The following CDH20 variants were observed in gnomAD, a reference collection of about 807,000 sequenced individuals.
CDH20 encodes the protein cadherin-20.
A neutral mutation model predicts 74.2 loss-of-function variants in CDH20; 29 were observed. The observed-to-expected ratio is 0.39, with a 90% CI of 0.29 to 0.53. The LOEUF (loss-of-function observed/expected upper bound fraction) is 0.53, where lower values mean the gene tolerates loss of function less well. CDH20 is among the 20% of genes least tolerant of loss of function. CDH20 has a pLI of 0.69. For missense variants in CDH20, 988 were observed against 1,048.3 expected (o/e 0.94, Z 0.79); for synonymous variants, 469 against 405.4 (o/e 1.16, Z -1.88).
intron 1 of CDH20, among the ~76,000 whole-genome samples, chr18:61,408,603 C>T (rs527955389): frequency 6.6e-6 from 1 of 152,306 alleles, no homozygotes; most frequent in Non-Finnish European, 1.5e-5. Context: ...GTACAAGGTA[C>T]AACCATCAAG....
intron 1 of CDH20, among the ~76,000 whole-genome samples, chr18:61,398,791 A>G (rs1912067911): frequency 6.6e-6 from 1 of 152,168 alleles, no homozygotes; most frequent in African/African-American, 2.4e-5. Flanking sequence ...AGTCACAAAG[A>G]AGCATGGCCC....
In CDH20 at chr18:61,395,838, T is replaced by G. The variant is rs528508104; in HGVS notation, c.-153+62011T>G. Reference sequence around the variant, plus strand: ...TCATGAGGTCAGGAGATCGCGACCATCCTGGCCAACATGGTGAAACCCTGT... The same window carrying G: ...TCATGAGGTCAGGAGATCGCGACCAGCCTGGCCAACATGGTGAAACCCTGT... On this transcript the variant is annotated intron_variant, in intron 1 of 11. Transcript: ENST00000262717. 1.8e-4 allele frequency among the ~76,000 whole-genome samples: 27 copies of G among 152,226 alleles called. No individual in the cohort carries two copies. In the South Asian group the frequency reaches 2.3e-3, roughly 13 times the overall value.
chr18:61,355,939 T>C (rs1278172158), intron 1 of CDH20, among the ~76,000 whole-genome samples: 1 of 152,198 alleles, frequency 6.6e-6, no homozygotes, highest in Non-Finnish European at 1.5e-5. Context: ...GGGACCAACT[T>C]TGAGCTCCAC....
chr18:61,544,956 T>G, intron 9 of CDH20, 71 bp from the exon 10 acceptor site: 1 of 975,466 alleles, frequency 1.0e-6, no homozygotes, highest in South Asian at 1.3e-5. Flanking sequence ...GTTTCCGGGT[T>G]TGGGATTTAA....
chr18:61,414,786 A>C (rs1912631730), intron 1 of CDH20, among the ~76,000 whole-genome samples: 1 of 151,934 alleles, frequency 6.6e-6, no homozygotes, highest in African/African-American at 2.4e-5. Flanking sequence ...TATTAAAATA[A>C]TTATTAAGAA....
chr18:61,417,062 A>G lies in CDH20; in HGVS notation c.-152-73340A>G, dbSNP rs116400883. ...AAAGAGAAAATAACTATTTTCCTTT[A>G]GTGATTTGATAATTTAGTGATTTAG... On this transcript the variant is annotated intron_variant, in intron 1 of 11. Coordinates refer to ENST00000262717, the MANE Select transcript of CDH20 (RefSeq NM_031891.4). 2.9e-3 allele frequency among the ~76,000 whole-genome samples: 438 copies of G among 152,358 alleles called. 3 individuals are homozygous for G. Among genetic ancestry groups the G allele is most frequent in the African/African-American group, 0.01 (417 of 41,590 alleles).
chr18:61,462,168 C>T (rs1295526463), intron 1 of CDH20, among the ~76,000 whole-genome samples: 1 of 152,046 alleles, frequency 6.6e-6, no homozygotes, highest in African/African-American at 2.4e-5. Flanking sequence ...ATTGCTAAGA[C>T]AGTAAATTTC....
At chr18:61,548,868 T>C (rs773974184) in intron 10 of CDH20, among the ~76,000 whole-genome samples, 13 of 152,108 alleles carry the variant, frequency 8.5e-5, no homozygotes, top group South Asian at 2.1e-4. Flanking sequence ...TTTAAGAGGA[T>C]AGAAAAGTGT....
At chr18:61,487,131 A>G (rs1568160070) in intron 1 of CDH20, among the ~76,000 whole-genome samples, 1 of 152,226 alleles carries the variant, frequency 6.6e-6, no homozygotes, top group African/African-American at 2.4e-5. Flanking sequence ...ACAGAAGTCA[A>G]TTTCCACTAA....
At chr18:61,405,517 T>C (rs1481394175) in intron 1 of CDH20, among the ~76,000 whole-genome samples, 1 of 152,002 alleles carries the variant, frequency 6.6e-6, no homozygotes, top group African/African-American at 2.4e-5. Context: ...AGCCCAGGAG[T>C]TCGAGACTGC....
At chr18:61,351,309 A>C (rs1187583474) in intron 1 of CDH20, among the ~76,000 whole-genome samples, 1 of 152,112 alleles carries the variant, frequency 6.6e-6, no homozygotes, top group African/African-American at 2.4e-5. Context: ...ATCCTCTGGT[A>C]AGCTCCTGTA....
chr18:61,398,389 A>T (rs28731359), intron 1 of CDH20, among the ~76,000 whole-genome samples: 2,444 of 152,304 alleles, frequency 0.016, 60 homozygotes, highest in African/African-American at 0.056. Flanking sequence ...TTATATACAT[A>T]TATCTATATG....
intron 1 of CDH20, among the ~76,000 whole-genome samples, chr18:61,450,020 T>C (rs949508129): frequency 3.9e-5 from 6 of 152,070 alleles, no homozygotes; most frequent in Non-Finnish European, 8.8e-5. Context: ...AATATTTTAG[T>C]AAACGCAATC....
chr18:61,522,958 A>C (rs1912263006), intron 6 of CDH20, among the ~76,000 whole-genome samples: 1 of 152,234 alleles, frequency 6.6e-6, no homozygotes, highest in African/African-American at 2.4e-5. Context: ...AAACCATAAA[A>C]ACCCTAGAAG....
intron 1 of CDH20, among the ~76,000 whole-genome samples, chr18:61,384,078 CAG>C (rs1025405250): frequency 1.3e-5 from 2 of 152,080 alleles, no homozygotes; most frequent in African/African-American, 4.8e-5. Context: ...TTGAGAGAAA[CAG>C]GGGGTGGTGG....
chr18:61,538,620 G>GTTTTTTTTTTTTTTTT (rs746315637), intron 8 of CDH20, among the ~76,000 whole-genome samples: 1 of 41,564 alleles, frequency 2.4e-5, no homozygotes, highest in Non-Finnish European at 5.0e-5. Flanking sequence ...TTTTGTTTTT[G>GTTTTTTTTTTTTTTTT]TTTTGTTTTT....
At chr18:61,538,575 CTACTTTTTGTTTGT>C (rs1912888652) in intron 8 of CDH20, among the ~76,000 whole-genome samples, 1 of 49,638 alleles carries the variant, frequency 2.0e-5, no homozygotes, top group Non-Finnish European at 4.0e-5. Flanking sequence ...AAGTAAATAA[CTACTTTTTGTTTGT>C]TTGTTTGTTT....
rs544929849 is a variant in CDH20 at position 61,406,226 on chromosome 18, A to G, written c.-153+72399A>G. Among the ~76,000 whole-genome samples the G allele has an allele frequency of 7.2e-5, 11 of 152,296 alleles. No homozygotes were observed. In the South Asian group the frequency reaches 2.1e-3, roughly 29 times the overall value. Reference sequence around the variant, plus strand: ...ATTTTTCATGTATTATTTCCTCAATATAATTATTTTATGTGTTCGTTAAAT... The same window carrying G: ...ATTTTTCATGTATTATTTCCTCAATGTAATTATTTTATGTGTTCGTTAAAT... On this transcript the variant is annotated intron_variant, in intron 1 of 11. Coordinates refer to ENST00000262717, the MANE Select transcript of CDH20 (RefSeq NM_031891.4).
At chr18:61,367,501 G>A (rs990338113) in intron 1 of CDH20, among the ~76,000 whole-genome samples, 1 of 152,156 alleles carries the variant, frequency 6.6e-6, no homozygotes, top group Non-Finnish European at 1.5e-5. Context: ...GGTCAGCAGA[G>A]CTTCGTTTAT....
Sources: allele counts gnomAD v4.1 joint callset (sites outside exome capture counted in the v4.1 genomes callset), GRCh38; gene constraint gnomAD v4.1.1; transcripts MANE v1.5; gene names NCBI Gene and HGNC (gene_info 2026-07-23, HGNC 2026-07-21).